RPS6KC1: variants seen among roughly 807,000 people sequenced by gnomAD.
The protein encoded by RPS6KC1 is ribosomal protein S6 kinase C1, also known as inactive ribosomal protein S6 kinase delta-1.
In RPS6KC1, 54 loss-of-function variants were observed where a neutral mutation model predicts 103.8. The ratio of observed to expected loss-of-function variants is 0.52; its 90% CI spans 0.42 to 0.65. The LOEUF is 0.65. Ranked by LOEUF, RPS6KC1 falls within the 30% of genes least tolerant of loss-of-function variation. The pLI is 0.00. For synonymous variants in RPS6KC1, 439 were observed against 438.7 expected (o/e 1.00, Z -0.01); for missense variants, 1,151 against 1,253.8 (o/e 0.92, Z 1.24).
At chr1:213,406,611 A>T in the RPS6KC1 span, among the ~76,000 whole-genome samples, 1 of 152,178 alleles carries the variant, frequency 6.6e-6, no homozygotes, top group Non-Finnish European at 1.5e-5. Flanking sequence ...TCCCTGACTT[A>T]TCTGCTTAAT....
At chr1:213,311,617 A>G in the RPS6KC1 span, among the ~76,000 whole-genome samples, 8 of 152,202 alleles carry the variant, frequency 5.3e-5, no homozygotes, top group African/African-American at 1.7e-4. Context: ...TTTGGTGTCT[A>G]CATGTTGGGG....
At chr1:213,858,054 C>A in the RPS6KC1 span, among the ~76,000 whole-genome samples, 1 of 152,182 alleles carries the variant, frequency 6.6e-6, no homozygotes, top group Admixed American at 6.5e-5. Flanking sequence ...ATTCACAGAG[C>A]ACTGCAACAT....
intron 8 of RPS6KC1, among the ~76,000 whole-genome samples, chr1:213,205,547 G>T (rs2817980): frequency 0.61 from 57,726 of 94,676 alleles, 17,917 homozygotes; most frequent in African/African-American, 0.72. Context: ...TATATATATA[G>T]ATATATATAT....
At chr1:213,111,105 T>C (rs2082985615) in intron 4 of RPS6KC1, among the ~76,000 whole-genome samples, 1 of 152,042 alleles carries the variant, frequency 6.6e-6, no homozygotes, top group Non-Finnish European at 1.5e-5. Context: ...CAGACGTCCA[T>C]AGTTCTTACC....
chr1:213,601,993 TTTC>T, the RPS6KC1 span, among the ~76,000 whole-genome samples: 1 of 23,422 alleles, frequency 4.3e-5, no homozygotes, highest in African/African-American at 1.1e-4. Flanking sequence ...TCTCTCTTTC[TTTC>T]TTTTCTTTTC....
the RPS6KC1 span, among the ~76,000 whole-genome samples, chr1:213,364,357 T>C: frequency 6.6e-6 from 1 of 152,172 alleles, no homozygotes; most frequent in African/African-American, 2.4e-5. Flanking sequence ...GGAATGGATA[T>C]GAAATAGTGG....
the RPS6KC1 span, among the ~76,000 whole-genome samples, chr1:213,771,511 A>G: frequency 6.6e-6 from 1 of 152,052 alleles, no homozygotes; most frequent in African/African-American, 2.4e-5. Context: ...TCCAAACAAC[A>G]CCTCCGGAGG....
intron 10 of RPS6KC1, among the ~76,000 whole-genome samples, chr1:213,237,313 A>C (rs554815321): frequency 1.4e-4 from 22 of 152,208 alleles, no homozygotes; most frequent in African/African-American, 5.3e-4. Flanking sequence ...TCTGTGTCTC[A>C]ATTTCCTCAT....
At chr1:213,720,503 A>G in the RPS6KC1 span, among the ~76,000 whole-genome samples, 2 of 152,240 alleles carry the variant, frequency 1.3e-5, no homozygotes, top group Non-Finnish European at 2.9e-5. Flanking sequence ...ACAGCGATAA[A>G]AATCAAAATG....
chr1:213,186,744 C>G (rs901599923), intron 8 of RPS6KC1, among the ~76,000 whole-genome samples: 1 of 152,106 alleles, frequency 6.6e-6, no homozygotes, highest in African/African-American at 2.4e-5. Context: ...ATCTTATAGG[C>G]AGCTTCATTC....
chr1:213,706,823 T>G, the RPS6KC1 span, among the ~76,000 whole-genome samples: 7 of 152,172 alleles, frequency 4.6e-5, no homozygotes, highest in Non-Finnish European at 1.0e-4. Context: ...CTTGTGTTAG[T>G]TTGCTGAGAA....
the RPS6KC1 span, among the ~76,000 whole-genome samples, chr1:213,438,511 T>A: frequency 1.6e-3 from 251 of 152,288 alleles, no homozygotes; most frequent in African/African-American, 5.7e-3. Flanking sequence ...TATGAGTTGG[T>A]TAATTTCTAG....
the RPS6KC1 span, among the ~76,000 whole-genome samples, chr1:213,598,482 T>A: frequency 6.6e-6 from 1 of 152,154 alleles, no homozygotes; most frequent in South Asian, 2.1e-4. Flanking sequence ...AGTTTTCCTG[T>A]CTATACAATG....
At chr1:213,445,759 C>G in the RPS6KC1 span, among the ~76,000 whole-genome samples, 1 of 152,176 alleles carries the variant, frequency 6.6e-6, no homozygotes, top group African/African-American at 2.4e-5. Flanking sequence ...GAAATGGGGA[C>G]TGGAGCACAA....
the RPS6KC1 span, among the ~76,000 whole-genome samples, chr1:213,759,380 A>G: frequency 6.6e-6 from 1 of 152,230 alleles, no homozygotes; most frequent in African/African-American, 2.4e-5. Context: ...TTATTGTGAT[A>G]CTTGCTTCAT....
the RPS6KC1 span, among the ~76,000 whole-genome samples, chr1:213,616,721 A>G: frequency 2.0e-5 from 3 of 152,184 alleles, no homozygotes; most frequent in Non-Finnish European, 2.9e-5. Flanking sequence ...AGGTATACAT[A>G]CTATAGCATG....
intron 10 of RPS6KC1, among the ~76,000 whole-genome samples, chr1:213,233,900 A>G (rs1439560671): frequency 6.6e-6 from 1 of 152,160 alleles, no homozygotes; most frequent in Non-Finnish European, 1.5e-5. Context: ...AAGATAGTAA[A>G]TTATAGTGCA....
chr1:213,338,769 A>ATTT, the RPS6KC1 span, among the ~76,000 whole-genome samples: 24 of 138,340 alleles, frequency 1.7e-4, no homozygotes, highest in Non-Finnish European at 2.2e-4. Flanking sequence ...GTCTTGCAGC[A>ATTT]TTTTTTTTTT....
chr1:213,169,568 G>T (rs769664996), intron 7 of RPS6KC1, among the ~76,000 whole-genome samples: 19 of 151,500 alleles, frequency 1.3e-4, no homozygotes, highest in Non-Finnish European at 2.4e-4. Context: ...ATCTTTTTAA[G>T]TGGAATATTT....
Sources: allele counts gnomAD v4.1 joint callset (sites outside exome capture counted in the v4.1 genomes callset), GRCh38; gene constraint gnomAD v4.1.1; transcripts MANE v1.5; gene names NCBI Gene and HGNC (gene_info 2026-07-23, HGNC 2026-07-21).